PRKAA2: variants seen among roughly 807,000 people sequenced by gnomAD.
The protein encoded by PRKAA2 is protein kinase AMP-activated catalytic subunit alpha 2.
A neutral mutation model predicts 56.3 loss-of-function variants in PRKAA2; 40 were observed. The observed-to-expected ratio is 0.71, with a 90% CI of 0.55 to 0.92. The LOEUF is 0.92. Among genes scored for constraint, PRKAA2 ranks in the 40% least tolerant of loss-of-function variants. PRKAA2 has a pLI of 0.00. For synonymous variants in PRKAA2, 214 were observed against 234.2 expected (o/e 0.91, Z 0.79); for missense variants, 542 against 686.9 (o/e 0.79, Z 2.36).
intron 1 of PRKAA2, among the ~76,000 whole-genome samples, chr1:56,662,794 A>T (rs959303082): frequency 6.6e-6 from 1 of 151,676 alleles, no homozygotes. Flanking sequence ...CAAAGTCAGA[A>T]GGAGCCACAT....
At chr1:56,700,103 A>T (rs148996293) in intron 6 of PRKAA2, among the ~76,000 whole-genome samples, 174 of 152,220 alleles carry the variant, frequency 1.1e-3, no homozygotes, top group African/African-American at 4.0e-3. Flanking sequence ...CGGTGTATAT[A>T]CCTAGAGTTT....
intron 6 of PRKAA2, among the ~76,000 whole-genome samples, chr1:56,698,245 A>T (rs1644272213): frequency 6.6e-6 from 1 of 152,044 alleles, no homozygotes; most frequent in Non-Finnish European, 1.5e-5. Context: ...ATTTGATAAA[A>T]TATAGTTCAA....
At chr1:56,685,158 C>T (rs899266364) in intron 2 of PRKAA2, among the ~76,000 whole-genome samples, 15 of 152,140 alleles carry the variant, frequency 9.9e-5, no homozygotes, top group African/African-American at 2.4e-4. Flanking sequence ...GATGCGGTTA[C>T]CAAAGATATG....
intron 2 of PRKAA2, among the ~76,000 whole-genome samples, chr1:56,683,118 AT>A (rs1644167513): frequency 1.3e-5 from 1 of 74,518 alleles, no homozygotes; most frequent in Non-Finnish European, 2.5e-5. Flanking sequence ...AGCAACTGGG[AT>A]TTTGGGTTTT....
chr1:56,712,828 G>A lies in PRKAA2; in HGVS notation c.*5115G>A, dbSNP rs1234948683. 6.6e-6 allele frequency: 1 copy of A among 151,740 alleles called. No homozygotes were observed. The highest frequency in any genetic ancestry group is 2.4e-5 in the African/African-American group (1 of 41,312). The allele number at this position is 151,740 out of a possible 1,614,324, so 9.4% of individuals were successfully genotyped here. A position where few individuals can be genotyped will look rare whatever the true frequency, so the allele number is the denominator to read the frequency against. On this transcript the variant is annotated 3_prime_UTR_variant, in exon 9 of 9. Transcript: ENST00000371244. ...GATCATGCCACTGCATGCCAGCCTG[G>A]GTGACAGCACAAGACTGTCTCAAAA...
chr1:56,651,334 C>T (rs1049071716), intron 1 of PRKAA2, among the ~76,000 whole-genome samples: 1 of 152,198 alleles, frequency 6.6e-6, no homozygotes, highest in African/African-American at 2.4e-5. Context: ...TTACTATATT[C>T]TAATCACTGT....
chr1:56,700,346 A>T (rs1484863526), intron 6 of PRKAA2, among the ~76,000 whole-genome samples: 1 of 152,180 alleles, frequency 6.6e-6, no homozygotes, highest in Admixed American at 6.5e-5. Flanking sequence ...GTGCTCCAAC[A>T]GGCAGTTGTA....
chr1:56,675,433 G>T, intron 2 of PRKAA2, among the ~76,000 whole-genome samples: 1 of 151,892 alleles, frequency 6.6e-6, no homozygotes, highest in Non-Finnish European at 1.5e-5. Context: ...TCTAAAGTAG[G>T]CTTACTTTAT....
chr1:56,679,931 T>G (rs1644141594), intron 2 of PRKAA2, among the ~76,000 whole-genome samples: 1 of 152,164 alleles, frequency 6.6e-6, no homozygotes, highest in East Asian at 1.9e-4. Flanking sequence ...TTGGTATATT[T>G]TCTCTTCCTT....
intron 1 of PRKAA2, among the ~76,000 whole-genome samples, chr1:56,673,292 T>G (rs577386090): frequency 6.6e-6 from 1 of 152,260 alleles, no homozygotes; most frequent in South Asian, 2.1e-4. Flanking sequence ...AAGGATCACT[T>G]GAGCCCAGGA....
intron 1 of PRKAA2, among the ~76,000 whole-genome samples, chr1:56,671,127 A>G (rs1207988070): frequency 6.6e-6 from 1 of 152,230 alleles, no homozygotes; most frequent in Non-Finnish European, 1.5e-5. Flanking sequence ...TCTGTAATAT[A>G]CATAGAAGAA....
rs528049072 is a variant in PRKAA2, at chr1:56,652,095, C to G, written c.94+6614C>G. On this transcript the variant is annotated intron_variant, in intron 1 of 8. Transcript: ENST00000371244. ...TGGCGCGATCTCGGCTCACTACAACCTCTGCCTCCTGGGTTCAAGCGATTC... is the reference window on the plus strand; with the variant it reads ...TGGCGCGATCTCGGCTCACTACAACGTCTGCCTCCTGGGTTCAAGCGATTC... Among the ~76,000 whole-genome samples the G allele has an allele frequency of 1.3e-3, 192 of 151,058 alleles. 1 individual carries two copies. The highest frequency in any genetic ancestry group is 1.8e-3 in the Non-Finnish European group (120 of 67,874).
intron 2 of PRKAA2, among the ~76,000 whole-genome samples, chr1:56,681,394 C>T (rs1479479639): frequency 6.6e-6 from 1 of 152,098 alleles, no homozygotes; most frequent in Non-Finnish European, 1.5e-5. Flanking sequence ...GCTTTTGTTG[C>T]CATTGCTTTT....
At chr1:56,666,099 C>T (rs763383193) in intron 1 of PRKAA2, among the ~76,000 whole-genome samples, 26 of 152,166 alleles carry the variant, frequency 1.7e-4, no homozygotes, top group Non-Finnish European at 3.2e-4. Context: ...ACCTCATATT[C>T]TAAAGCAGCA....
intron 7 of PRKAA2, 35 bp downstream of exon 7, chr1:56,704,510 A>G (rs1270111162): frequency 2.0e-6 from 3 of 1,535,976 alleles, no homozygotes; most frequent in African/African-American, 1.4e-5. Flanking sequence ...TCATTTGTAG[A>G]AGCCATTTTT....
chr1:56,678,334 T>G (rs1321890045), intron 2 of PRKAA2, among the ~76,000 whole-genome samples: 1 of 152,262 alleles, frequency 6.6e-6, no homozygotes, highest in African/African-American at 2.4e-5. Flanking sequence ...CCTTACCCTT[T>G]CAGTGGTTTT....
At chr1:56,703,265 C>T (rs1246032756) in intron 6 of PRKAA2, among the ~76,000 whole-genome samples, 2 of 152,004 alleles carry the variant, frequency 1.3e-5, no homozygotes, top group Non-Finnish European at 2.9e-5. Context: ...TATTATCTAT[C>T]AATATTTACT....
At chr1:56,695,511 G>A (rs1644253714) in intron 5 of PRKAA2, among the ~76,000 whole-genome samples, 1 of 151,986 alleles carries the variant, frequency 6.6e-6, no homozygotes, top group Non-Finnish European at 1.5e-5. Context: ...TTAAAGGTGT[G>A]CCAGGGGTAG....
At chr1:56,650,025 G>A (rs1646674368) in intron 1 of PRKAA2, among the ~76,000 whole-genome samples, 1 of 152,080 alleles carries the variant, frequency 6.6e-6, no homozygotes, top group South Asian at 2.1e-4. Flanking sequence ...GACCCGGGAG[G>A]CGGAAGTTGC....
Sources: gnomAD v4.1 joint callset for allele counts (sites outside exome capture counted in the v4.1 genomes callset) on GRCh38, gnomAD v4.1.1 for gene constraint, MANE v1.5 for transcripts, NCBI Gene and HGNC (gene_info 2026-07-23, HGNC 2026-07-21) for gene names.